MRPS28: variants seen among roughly 807,000 people sequenced by gnomAD.
MRPS28 encodes the protein small ribosomal subunit protein bS1m.
MRPS28 carries 7 observed loss-of-function variants against 10.8 expected under a neutral mutation model. The ratio of observed to expected loss-of-function variants is 0.65; its 90% CI spans 0.37 to 1.22. MRPS28 has a LOEUF of 1.22. Ranked by LOEUF, MRPS28 falls within the 50% of genes most tolerant of loss-of-function variation. The pLI is 0.02. For missense variants in MRPS28, 265 were observed against 232.9 expected (o/e 1.14, Z -0.90); for synonymous variants, 121 against 93.3 (o/e 1.30, Z -1.71).
intron 2 of MRPS28, among the ~76,000 whole-genome samples, chr8:79,962,644 C>T (rs1807401642): frequency 6.6e-6 from 1 of 151,924 alleles, no homozygotes; most frequent in South Asian, 2.1e-4. Flanking sequence ...TAAAATTGTA[C>T]CCTAATACCT....
chr8:79,970,579 T>C (rs1807606503), intron 2 of MRPS28, among the ~76,000 whole-genome samples: 1 of 152,160 alleles, frequency 6.6e-6, no homozygotes, highest in Admixed American at 6.5e-5. Context: ...AAAGACTTCT[T>C]CCAAAAAAAC....
In MRPS28 at chr8:80,008,626, C is replaced by T. The variant is rs200282222; in HGVS notation, c.214-5446G>A. Among the ~76,000 whole-genome samples the T allele has an allele frequency of 6.3e-3, 966 of 152,314 alleles. 14 individuals carry two copies. Among genetic ancestry groups the T allele is most frequent in the East Asian group, 0.056 (290 of 5,184 alleles). ...AAAGTGGGTGAAGGATATGAACAGA[C>T]ACTTCTCAAAAGAAGACATTTATGC... On this transcript the variant is annotated intron_variant, in intron 1 of 2. Coordinates refer to ENST00000276585, the MANE Select transcript of MRPS28 (RefSeq NM_014018.3).
intron 2 of MRPS28, among the ~76,000 whole-genome samples, chr8:79,954,843 A>T (rs1162762865): frequency 6.6e-6 from 1 of 152,104 alleles, no homozygotes; most frequent in East Asian, 1.9e-4. Flanking sequence ...CTTTAAGACT[A>T]CTGGAAGCTT....
At chr8:80,017,645 G>A (rs540084211) in intron 1 of MRPS28, among the ~76,000 whole-genome samples, 2 of 152,280 alleles carry the variant, frequency 1.3e-5, no homozygotes, top group Admixed American at 1.3e-4. Context: ...GTCCATATGG[G>A]TTCACTGGTG....
intron 2 of MRPS28, among the ~76,000 whole-genome samples, chr8:79,957,606 A>G (rs1807260376): frequency 6.6e-6 from 1 of 151,950 alleles, no homozygotes; most frequent in Non-Finnish European, 1.5e-5. Flanking sequence ...TAGTCCCAGA[A>G]ACTCTGAAGG....
intron 2 of MRPS28, among the ~76,000 whole-genome samples, chr8:79,919,430 T>G (rs1356914095): frequency 2.6e-5 from 4 of 151,850 alleles, no homozygotes. Context: ...AACTTCAAAC[T>G]TCTGGGCTCA....
chr8:79,988,910 T>C (rs1458841749), intron 2 of MRPS28, among the ~76,000 whole-genome samples: 27 of 152,162 alleles, frequency 1.8e-4, no homozygotes, highest in Admixed American at 1.8e-3. Flanking sequence ...CCTCTAAAAT[T>C]GTATAAAGCA....
intron 2 of MRPS28, chr8:79,956,839 T>C (rs1807228633): frequency 1.3e-5 from 2 of 152,188 alleles, no homozygotes; most frequent in African/African-American, 4.8e-5. Context: ...GCATGAATAT[T>C]TCTTAATTCC....
intron 2 of MRPS28, among the ~76,000 whole-genome samples, chr8:79,921,402 T>A (rs1049718489): frequency 6.6e-6 from 1 of 152,258 alleles, no homozygotes; most frequent in African/African-American, 2.4e-5. Flanking sequence ...TTTCACCATA[T>A]TGATTCTTCC....
chr8:79,973,268 AAG>A (rs745394028), intron 2 of MRPS28, among the ~76,000 whole-genome samples: 29 of 151,390 alleles, frequency 1.9e-4, no homozygotes, highest in Admixed American at 1.7e-3. Flanking sequence ...AACACAGTGA[AAG>A]AGAGAGAGAG....
At chr8:79,992,464 C>A (rs572530354) in intron 2 of MRPS28, among the ~76,000 whole-genome samples, 2 of 152,256 alleles carry the variant, frequency 1.3e-5, no homozygotes, top group East Asian at 3.9e-4. Flanking sequence ...ATGAAACCAT[C>A]TCAACTTTCA....
intron 2 of MRPS28, among the ~76,000 whole-genome samples, chr8:79,930,690 G>A (rs1323616167): frequency 6.6e-6 from 1 of 152,158 alleles, no homozygotes; most frequent in East Asian, 1.9e-4. Flanking sequence ...TGTCAAAACA[G>A]GAGTGTGACT....
chr8:80,025,372 G>T (rs1440381608), intron 1 of MRPS28, among the ~76,000 whole-genome samples: 2 of 152,130 alleles, frequency 1.3e-5, no homozygotes, highest in African/African-American at 4.8e-5. Flanking sequence ...CACTGTAGGT[G>T]GGAGTTCAGT....
chr8:79,956,256 CT>C (rs1807207458), intron 2 of MRPS28, among the ~76,000 whole-genome samples: 1 of 151,864 alleles, frequency 6.6e-6, no homozygotes, highest in East Asian at 1.9e-4. Context: ...ATAAATACTC[CT>C]TTTTGAGTAT....
intron 2 of MRPS28, among the ~76,000 whole-genome samples, chr8:79,988,099 A>AT (rs1221095669): frequency 1.3e-5 from 2 of 152,040 alleles, no homozygotes; most frequent in Non-Finnish European, 2.9e-5. Context: ...GCCATAAAAA[A>AT]TGATGAGTTC....
At chr8:79,934,852 CTAGTT>C (rs1368148188) in intron 2 of MRPS28, among the ~76,000 whole-genome samples, 3 of 152,042 alleles carry the variant, frequency 2.0e-5, no homozygotes, top group Non-Finnish European at 4.4e-5. Flanking sequence ...CTGAAAAACA[CTAGTT>C]TAGCAATTAT....
intron 2 of MRPS28, chr8:79,958,467 A>G: frequency 1.6e-6 from 1 of 638,342 alleles, no homozygotes; most frequent in Non-Finnish European, 2.8e-6. Flanking sequence ...GAGATTCAGA[A>G]GAACTCAAGG....
chr8:79,933,282 G>A (rs549925490), intron 2 of MRPS28, among the ~76,000 whole-genome samples: 33 of 152,318 alleles, frequency 2.2e-4, no homozygotes, highest in Non-Finnish European at 4.4e-4. Flanking sequence ...CAGAGGCTGT[G>A]ACCTCACGTG....
At chr8:79,999,070 G>A (rs889355594) in intron 2 of MRPS28, among the ~76,000 whole-genome samples, 4 of 152,204 alleles carry the variant, frequency 2.6e-5, no homozygotes, top group East Asian at 1.9e-4. Flanking sequence ...TCAAAAAAAA[G>A]GGCAGGCTGA....
Sources: allele counts gnomAD v4.1 joint callset (sites outside exome capture counted in the v4.1 genomes callset), GRCh38; gene constraint gnomAD v4.1.1; transcripts MANE v1.5; gene names NCBI Gene and HGNC (gene_info 2026-07-23, HGNC 2026-07-21).